EPN2: variants seen among roughly 807,000 people sequenced by gnomAD.
EPN2 encodes epsin 2, also known as epsin-2.
Under a neutral mutation model 61.7 loss-of-function variants are expected in EPN2, and 34 were observed. That is an observed-to-expected ratio of 0.55 (90% CI 0.42 to 0.73). EPN2 has a LOEUF of 0.73. Among genes scored for constraint, EPN2 ranks in the 30% least tolerant of loss-of-function variants. EPN2 has a pLI of 0.00. For missense variants in EPN2, 714 were observed against 839.2 expected (o/e 0.85, Z 1.84); for synonymous variants, 349 against 353.6 (o/e 0.99, Z 0.15).
At chr17:19,305,541 C>A (rs1295762276) in intron 4 of EPN2, among the ~76,000 whole-genome samples, 2 of 152,208 alleles carry the variant, frequency 1.3e-5, no homozygotes, top group Non-Finnish European at 2.9e-5. Context: ...TCCATACTTT[C>A]TAGGAAAATT....
intron 1 of EPN2, among the ~76,000 whole-genome samples, chr17:19,244,532 C>T (rs2044924358): frequency 6.6e-6 from 1 of 151,994 alleles, no homozygotes; most frequent in Admixed American, 6.6e-5. Flanking sequence ...TGGATTCCCA[C>T]GGGGCCACTT....
chr17:19,277,274 G>A (rs930013198), intron 1 of EPN2, among the ~76,000 whole-genome samples: 1 of 151,844 alleles, frequency 6.6e-6, no homozygotes, highest in African/African-American at 2.4e-5. Context: ...GGTGGCAGGT[G>A]CCTATAATCC....
Position 19,283,849 on chromosome 17 carries a change from GC to G in EPN2, c.595+138del. The G allele has an allele frequency of 3.0e-6, 2 of 671,318 alleles. No individual in the cohort carries two copies. Among genetic ancestry groups the G allele is most frequent in the Non-Finnish European group, 5.0e-6 (2 of 403,304 alleles). 41.6% of individuals were successfully genotyped at this position (671,318 alleles called of 1,614,324 possible). A position where few individuals can be genotyped will look rare whatever the true frequency, so the allele number is the denominator to read the frequency against. The stretch of plus-strand genomic sequence containing the variant: ...TGTCCTCAGTACCCAGCTTTTGGTG[GC>G]CCAGGCAAATTGTCCTTGGTCTGGA... On this transcript the variant is annotated intron_variant, in intron 3 of 10. Coordinates refer to ENST00000314728, the MANE Select transcript of EPN2 (RefSeq NM_014964.5). This position sits in a 1 kb window ranked among gnomAD's most constrained non-coding sequence, Gnocchi z 7.0.
intron 1 of EPN2, among the ~76,000 whole-genome samples, chr17:19,279,344 C>T (rs1201149140): frequency 6.6e-6 from 1 of 152,244 alleles, no homozygotes; most frequent in Non-Finnish European, 1.5e-5. Flanking sequence ...ACACTAGGCC[C>T]AGCTGGAGGT....
At chr17:19,253,017 A>G (rs957215969) in intron 1 of EPN2, among the ~76,000 whole-genome samples, 32 of 152,174 alleles carry the variant, frequency 2.1e-4, no homozygotes, top group African/African-American at 7.5e-4. Flanking sequence ...TTAAGGATTT[A>G]AAAGTGAACA....
At chr17:19,330,250 G>A (rs375630789) in intron 9 of EPN2, among the ~76,000 whole-genome samples, 1 of 152,216 alleles carries the variant, frequency 6.6e-6, no homozygotes, top group Non-Finnish European at 1.5e-5. Context: ...GGGTGTGACA[G>A]CCTCTGTCCA....
rs1303743961 is a variant in EPN2 at position 19,285,133 on chromosome 17, T to A, written c.596-487T>A. ...TTGGTCCCAACCTGCCTTGACTTCC[T>A]CTGTCCCTGTGACTGTGGCTGTGGC... is the stretch of plus-strand genomic sequence containing the variant. On this transcript the variant is annotated intron_variant, in intron 3 of 10. Coordinates refer to ENST00000314728, the MANE Select transcript of EPN2 (RefSeq NM_014964.5). This position sits in a 1 kb window ranked among gnomAD's most constrained non-coding sequence, Gnocchi z 4.5. Among the ~76,000 whole-genome samples, 1 of 152,354 alleles carries A rather than the reference T, an allele frequency of 6.6e-6. No homozygotes were observed. The highest frequency in any genetic ancestry group is 1.9e-4 in the East Asian group (1 of 5,186).
At chr17:19,249,580 G>A (rs2044991137) in intron 1 of EPN2, 1 of 152,314 alleles carries the variant, frequency 6.6e-6, no homozygotes, top group Non-Finnish European at 1.5e-5. Context: ...CTGTGTGCTA[G>A]GCTCCGTGCT....
chr17:19,284,412 G>A (rs1567854072), intron 3 of EPN2, among the ~76,000 whole-genome samples: 1 of 152,262 alleles, frequency 6.6e-6, no homozygotes, highest in East Asian at 1.9e-4. Flanking sequence ...AGTCACATTG[G>A]CATCCTGGCT....
chr17:19,245,982 C>T (rs960380095), intron 1 of EPN2, among the ~76,000 whole-genome samples: 2 of 152,040 alleles, frequency 1.3e-5, no homozygotes, highest in Non-Finnish European at 2.9e-5. Flanking sequence ...ATCTCTTGAC[C>T]TTGTGATCCT....
chr17:19,300,868 G>A (rs1905471168), intron 4 of EPN2, among the ~76,000 whole-genome samples: 1 of 152,192 alleles, frequency 6.6e-6, no homozygotes, highest in African/African-American at 2.4e-5. Context: ...CAGGTATCAA[G>A]GTGTTAAGTA....
At chr17:19,304,891 C>T (rs941959749) in intron 4 of EPN2, among the ~76,000 whole-genome samples, 5 of 152,156 alleles carry the variant, frequency 3.3e-5, no homozygotes, top group African/African-American at 4.8e-5. Flanking sequence ...TCTTCTCACG[C>T]CCCCAAGGCC....
At chr17:19,307,374 G>C (rs1187285434) in intron 4 of EPN2, among the ~76,000 whole-genome samples, 2 of 151,962 alleles carry the variant, frequency 1.3e-5, no homozygotes, top group African/African-American at 4.8e-5. Context: ...GCAGTGGCGC[G>C]ATCTCAGCTC....
chr17:19,279,321 C>A (rs1483128207), intron 1 of EPN2, among the ~76,000 whole-genome samples: 1 of 152,208 alleles, frequency 6.6e-6, no homozygotes, highest in African/African-American at 2.4e-5. Flanking sequence ...GGCCTCACAG[C>A]CTCCCTGGGA....
At chr17:19,317,144 C>CTGTT (rs1906421515) in intron 7 of EPN2, among the ~76,000 whole-genome samples, 2 of 152,360 alleles carry the variant, frequency 1.3e-5, no homozygotes, top group East Asian at 3.9e-4. Context: ...GAAAGAAACA[C>CTGTT]TGTTTTGAAA....
In EPN2 at chr17:19,328,846, C is replaced by A; in HGVS notation, c.1283C>A (p.Ala428Glu). 2 of 1,613,250 alleles carry A rather than the reference C, an allele frequency of 1.2e-6. No homozygotes were observed. Among genetic ancestry groups the A allele is most frequent in the South Asian group, 1.1e-5 (1 of 90,862 alleles). Residue 428 changes from alanine (A) to glutamate (E), a missense_variant, in exon 8 of 11, where the codon GCG (alanine) becomes GAG (glutamate). Ala to Glu is a moderately radical substitution (Grantham distance 107). Coordinates refer to ENST00000314728, the MANE Select transcript of EPN2 (RefSeq NM_014964.5). The part of the protein sequence containing the change: ...ASSAGKRASD[A>E]WGAVSTTKPV... ...AGTGCTGGGAAAAGAGCTTCTGACG[C>A]GTGGGGCGCAGTCTCCACCACCAAG...
Position 19,283,811 on chromosome 17 carries a change from C to T in EPN2, c.595+97C>T. 1.1e-6 allele frequency: 1 copy of T among 901,464 alleles called. No individual in the cohort carries two copies. Among genetic ancestry groups the T allele is most frequent in the South Asian group, 1.8e-5 (1 of 57,078 alleles). 55.8% of individuals were successfully genotyped at this position (901,464 alleles called of 1,614,324 possible). ...TGGGCTTAGGGAGTGGTGGCCACTG[C>T]AGAGCTCGAACCTGTCCTCAGTACC... On this transcript the variant is annotated intron_variant, in intron 3 of 10. Coordinates refer to ENST00000314728, the MANE Select transcript of EPN2 (RefSeq NM_014964.5). The surrounding 1 kb of genome is among the most constrained non-coding windows in gnomAD (Gnocchi z 7.0).
chr17:19,320,340 A>G (rs983099189), intron 7 of EPN2, among the ~76,000 whole-genome samples: 1 of 152,152 alleles, frequency 6.6e-6, no homozygotes, highest in Non-Finnish European at 1.5e-5. Flanking sequence ...CTGCTGACCA[A>G]ATGTTGCTTG....
At chr17:19,264,106 C>A (rs967517583) in intron 1 of EPN2, among the ~76,000 whole-genome samples, 3 of 152,148 alleles carry the variant, frequency 2.0e-5, no homozygotes, top group African/African-American at 7.2e-5. Context: ...CTAAACAAAG[C>A]AGGACAATGG....
Sources: allele counts gnomAD v4.1 joint callset (sites outside exome capture counted in the v4.1 genomes callset), GRCh38; gene constraint gnomAD v4.1.1; non-coding constraint Gnocchi (gnomAD v3.1); transcripts MANE v1.5; gene names NCBI Gene and HGNC (gene_info 2026-07-23, HGNC 2026-07-21).